Variants in MYCBP2 observed in about 807,000 individuals in gnomAD.
The protein encoded by MYCBP2 is MYC binding protein 2, also known as E3 ubiquitin-protein ligase MYCBP2.
A neutral mutation model predicts 525.3 loss-of-function variants in MYCBP2; 120 were observed. The ratio of observed to expected loss-of-function variants is 0.23; its 90% CI spans 0.20 to 0.27. The LOEUF is 0.27. MYCBP2 is among the 10% of genes least tolerant of loss of function. The probability of loss-of-function intolerance (pLI) is 1.00; values close to 1 mark genes in which losing one functional copy is unlikely to be tolerated. For synonymous variants in MYCBP2, 1,894 were observed against 1,955.8 expected (o/e 0.97, Z 0.83); for missense variants, 4,149 against 5,657.1 (o/e 0.73, Z 8.55).
chr13:77,171,886 C>T (rs948360491), intron 37 of MYCBP2, among the ~76,000 whole-genome samples: 1 of 152,036 alleles, frequency 6.6e-6, no homozygotes, highest in Non-Finnish European at 1.5e-5. Flanking sequence ...TTAACAAAGA[C>T]CTGAATTAAT....
chr13:77,134,061 G>T (rs142271901), intron 52 of MYCBP2, among the ~76,000 whole-genome samples: 4 of 152,044 alleles, frequency 2.6e-5, no homozygotes, highest in African/African-American at 7.2e-5. Flanking sequence ...TTTACTAAAT[G>T]AGCAATTAAT....
At chr13:77,318,858 C>G (rs759516850) in intron 1 of MYCBP2, among the ~76,000 whole-genome samples, 2 of 152,204 alleles carry the variant, frequency 1.3e-5, no homozygotes, top group Non-Finnish European at 2.9e-5. Context: ...GAACATGCCA[C>G]CCTCCTTTCC....
At chr13:77,248,590 T>C (rs1247088537) in intron 15 of MYCBP2, among the ~76,000 whole-genome samples, 6 of 152,166 alleles carry the variant, frequency 3.9e-5, no homozygotes, top group Admixed American at 3.9e-4. Flanking sequence ...CCCATTAGGA[T>C]GCCACTACCA....
intron 8 of MYCBP2, among the ~76,000 whole-genome samples, chr13:77,265,302 A>AT (rs2073919799): frequency 6.6e-6 from 1 of 152,130 alleles, no homozygotes; most frequent in South Asian, 2.1e-4. Flanking sequence ...AAGCAGTAAG[A>AT]TTTTAAACTA....
chr13:77,181,637 G>T (rs936010648), intron 33 of MYCBP2, 64 bp downstream of exon 33: 9 of 1,313,976 alleles, frequency 6.8e-6, no homozygotes, highest in African/African-American at 1.5e-5. Context: ...TATAAAAGAG[G>T]CAATAAATAA....
At chr13:77,179,596 G>A (rs1023875942) in intron 34 of MYCBP2, among the ~76,000 whole-genome samples, 8 of 152,320 alleles carry the variant, frequency 5.3e-5, no homozygotes, top group Non-Finnish European at 7.3e-5. Flanking sequence ...AACTGTACAC[G>A]TAAAAATGAT....
chr13:77,160,145 C>T (rs2057724540), intron 44 of MYCBP2, among the ~76,000 whole-genome samples: 1 of 150,684 alleles, frequency 6.6e-6, no homozygotes, highest in African/African-American at 2.4e-5. Flanking sequence ...TGGCTCACCT[C>T]AACCTCCGAC....
intron 26 of MYCBP2, among the ~76,000 whole-genome samples, chr13:77,202,434 G>C (rs533218130): frequency 3.3e-5 from 5 of 152,308 alleles, no homozygotes; most frequent in South Asian, 4.1e-4. Context: ...TCCAGGACCA[G>C]ATGGATTCAC....
chr13:77,144,382 TA>T, intron 49 of MYCBP2, 62 bp downstream of exon 49: 1 of 1,183,226 alleles, frequency 8.5e-7, no homozygotes, highest in Non-Finnish European at 1.3e-6. Context: ...AACTAGAAGA[TA>T]AAAATAATTT....
At chr13:77,201,625 T>C (rs1390965607) in intron 26 of MYCBP2, among the ~76,000 whole-genome samples, 3 of 150,688 alleles carry the variant, frequency 2.0e-5, no homozygotes, top group African/African-American at 4.9e-5. Context: ...TATTCCAAAA[T>C]TGACCACATA....
intron 40 of MYCBP2, among the ~76,000 whole-genome samples, chr13:77,167,012 CACACACACACA>C (rs1566780996): frequency 6.0e-5 from 9 of 150,746 alleles, no homozygotes; most frequent in African/African-American, 2.2e-4. Flanking sequence ...CACACACACA[CACACACACACA>C]CACCAAATGA....
chr13:77,224,493 T>A lies in MYCBP2; in HGVS notation c.2897A>T (p.Tyr966Phe). The A allele has an allele frequency of 6.2e-7, 1 of 1,610,638 alleles. No homozygotes were observed. Among genetic ancestry groups the A allele is most frequent in the Non-Finnish European group, 8.5e-7 (1 of 1,178,156 alleles). The change falls in exon 20 of 83, where the codon TAT becomes TTT. Residue 966 changes from tyrosine to phenylalanine, a missense_variant. Transcript: ENST00000544440. ...ATGTCCTAGCTGCCCATGCTGCCCA[T>A]AACCAAATGTATAGACATCTCCATT... is the stretch of plus-strand genomic sequence containing the variant. ...MENGDVYTFG[Y>F]GQHGQLGHGD...
chr13:77,294,104 CTATATATATATATATA>C (rs1197370334), intron 2 of MYCBP2, among the ~76,000 whole-genome samples: 3 of 41,920 alleles, frequency 7.2e-5, no homozygotes, highest in East Asian at 5.8e-4. Context: ...GATATAATGG[CTATATATATATATATA>C]TATATATATA....
rs1414036363 is a variant in MYCBP2, at chr13:77,090,116, A to G, written c.10515T>C (p.Ser3505=). Residue 3505 remains serine (S), a synonymous_variant, in exon 60 of 83, where the codon AGT becomes AGC. Transcript: ENST00000544440. ...TATCCTCATACTTACCAGTGTCTCCACTGTTAACTCTTCTTCTAGGAATAG... is the reference window on the plus strand; with the variant it reads ...TATCCTCATACTTACCAGTGTCTCCGCTGTTAACTCTTCTTCTAGGAATAG... The part of the protein sequence containing the change: ...VKAIPRRRVN[S]GDTEVGSSLL... The G allele has an allele frequency of 1.9e-6, 3 of 1,609,878 alleles. No homozygotes were observed. The African/African-American group carries it at 4.0e-5, about 22-fold the overall frequency.
intron 8 of MYCBP2, among the ~76,000 whole-genome samples, chr13:77,266,252 T>A (rs1219856955): frequency 2.0e-5 from 3 of 152,158 alleles, no homozygotes; most frequent in Non-Finnish European, 2.9e-5. Flanking sequence ...TATGTCATTA[T>A]CCTAAAATGA....
chr13:77,064,514 T>C (rs1594157690), intron 73 of MYCBP2, 101 bp downstream of exon 73: 2 of 1,283,284 alleles, frequency 1.6e-6, no homozygotes, highest in Non-Finnish European at 1.1e-6. Context: ...AAAATAATTA[T>C]GTTGACTTAG....
intron 1 of MYCBP2, among the ~76,000 whole-genome samples, chr13:77,317,272 A>G (rs1567242689): frequency 6.6e-6 from 1 of 152,194 alleles, no homozygotes; most frequent in Admixed American, 6.5e-5. Context: ...TTTATTTAGA[A>G]AAGGAGCCCC....
intron 7 of MYCBP2, among the ~76,000 whole-genome samples, chr13:77,269,326 T>C (rs2074543168): frequency 6.6e-6 from 1 of 152,182 alleles, no homozygotes; most frequent in Non-Finnish European, 1.5e-5. Context: ...AGGACATGTA[T>C]ACATTTCCAA....
intron 3 of MYCBP2, among the ~76,000 whole-genome samples, chr13:77,279,250 TCTTAG>T (rs1241828559): frequency 6.6e-6 from 1 of 152,226 alleles, no homozygotes; most frequent in African/African-American, 2.4e-5. Flanking sequence ...GAGCTTTTCG[TCTTAG>T]CCTTTTCTAT....
Sources: allele counts gnomAD v4.1 joint callset (sites outside exome capture counted in the v4.1 genomes callset), GRCh38; gene constraint gnomAD v4.1.1; transcripts MANE v1.5; gene names NCBI Gene and HGNC (gene_info 2026-07-23, HGNC 2026-07-21).